SAMD4A: variants seen among roughly 807,000 people sequenced by gnomAD.
SAMD4A encodes the protein protein Smaug homolog 1.
Under a neutral mutation model 81.3 loss-of-function variants are expected in SAMD4A, and 33 were observed. The ratio of observed to expected loss-of-function variants is 0.41; its 90% confidence interval spans 0.31 to 0.54. The LOEUF (loss-of-function observed/expected upper bound fraction) is 0.54, where lower values mean the gene tolerates loss of function less well. Among genes scored for constraint, SAMD4A ranks in the 20% least tolerant of loss-of-function variants. The pLI, the probability that SAMD4A is intolerant of heterozygous loss-of-function variation, is 0.37. For missense variants in SAMD4A, 854 were observed against 951.1 expected, an observed-to-expected ratio of 0.90 and a Z score of 1.34; for synonymous variants, 389 against 382.1, an observed-to-expected ratio of 1.02 and a Z score of -0.21.
chr14:54,602,534 G>A (rs2034083260), intron 2 of SAMD4A, among the ~76,000 whole-genome samples: 1 of 152,232 alleles, frequency 6.6e-6, no homozygotes, highest in African/African-American at 2.4e-5. Context: ...TTGTGGGAAT[G>A]ACATGAGTAG....
chr14:54,756,468 C>T (rs2038241540), intron 6 of SAMD4A, among the ~76,000 whole-genome samples: 1 of 152,156 alleles, frequency 6.6e-6, no homozygotes, highest in Non-Finnish European at 1.5e-5. Context: ...AGCTCCCTGC[C>T]CTGATGCCCA....
At chr14:54,778,697 C>G (rs2038924495) in intron 11 of SAMD4A, among the ~76,000 whole-genome samples, 1 of 152,188 alleles carries the variant, frequency 6.6e-6, no homozygotes, top group African/African-American at 2.4e-5. Context: ...TTTTTAATAA[C>G]AGCCAAAGCA....
At chr14:54,628,658 T>G (rs1014136126) in intron 2 of SAMD4A, among the ~76,000 whole-genome samples, 1 of 152,192 alleles carries the variant, frequency 6.6e-6, no homozygotes, top group Non-Finnish European at 1.5e-5. Context: ...GGCATTGTAC[T>G]AAGTACTTGA....
chr14:54,633,110 G>A (rs2034943636), intron 2 of SAMD4A, among the ~76,000 whole-genome samples: 1 of 152,238 alleles, frequency 6.6e-6, no homozygotes, highest in Admixed American at 6.5e-5. Flanking sequence ...GCTGTCTGAA[G>A]AGGTTATACC....
At position 54,791,744 on chromosome 14, in the gene SAMD4A, C is replaced by G. The variant is rs1050879337; in HGVS notation, c.*2800C>G. ...TCCTGTGTTGACTACAGGTATATAG[C>G]TCAATTTAAAAATCCTAAAGCAAAA... On this transcript the variant is annotated 3_prime_UTR_variant, in exon 13 of 13. Coordinates refer to ENST00000554335, the MANE Select transcript of SAMD4A (RefSeq NM_015589.6). 6.6e-6 allele frequency: 1 copy of G among 151,920 alleles called. No individual in the cohort carries two copies. Among genetic ancestry groups the G allele is most frequent in the African/African-American group, 2.4e-5 (1 of 41,334 alleles). The allele number at this position is 151,920 out of a possible 1,614,324, so 9.4% of individuals were successfully genotyped here. A position where few individuals can be genotyped will look rare whatever the true frequency, so the allele number is the denominator to read the frequency against.
intron 2 of SAMD4A, among the ~76,000 whole-genome samples, chr14:54,656,750 C>T (rs1476904209): frequency 2.0e-5 from 3 of 152,126 alleles, no homozygotes; most frequent in African/African-American, 4.8e-5. Flanking sequence ...GCCTCAGCCT[C>T]CCAAGTAGCT....
At chr14:54,716,651 G>A (rs2037125752) in intron 3 of SAMD4A, among the ~76,000 whole-genome samples, 1 of 152,068 alleles carries the variant, frequency 6.6e-6, no homozygotes, top group African/African-American at 2.4e-5. Flanking sequence ...AGTTCCTGAG[G>A]GTCTCTAACA....
intron 10 of SAMD4A, among the ~76,000 whole-genome samples, chr14:54,775,392 T>C (rs1333848684): frequency 6.6e-6 from 1 of 152,238 alleles, no homozygotes; most frequent in African/African-American, 2.4e-5. Context: ...TAGAAAGAAA[T>C]GCAAGACCTA....
At chr14:54,758,914 T>A (rs761540587) in intron 6 of SAMD4A, among the ~76,000 whole-genome samples, 1 of 152,116 alleles carries the variant, frequency 6.6e-6, no homozygotes, top group Non-Finnish European at 1.5e-5. Context: ...GACCTTGATG[T>A]GCAGAAACAC....
chr14:54,599,618 G>C lies in SAMD4A; in HGVS notation c.196+31506G>C, dbSNP rs536587950. ...TTGTCTAGCTCTGTGATCTTGGACA[G>C]GTCAATTGACTTGTCTTAATCTTCT... On this transcript the variant is annotated intron_variant, in intron 2 of 12. Coordinates refer to ENST00000554335, the MANE Select transcript of SAMD4A (RefSeq NM_015589.6). 1.9e-3 allele frequency among the ~76,000 whole-genome samples: 287 copies of C among 152,286 alleles called. 1 individual carries two copies. Among genetic ancestry groups the C allele is most frequent in the Non-Finnish European group, 3.1e-3 (214 of 68,022 alleles).
intron 2 of SAMD4A, among the ~76,000 whole-genome samples, chr14:54,582,205 C>T (rs2033487422): frequency 6.6e-6 from 1 of 151,208 alleles, no homozygotes; most frequent in Non-Finnish European, 1.5e-5. Flanking sequence ...TAGTTCACAA[C>T]ATTTTAGATA....
At chr14:54,715,493 G>A (rs544555906) in intron 3 of SAMD4A, among the ~76,000 whole-genome samples, 52 of 152,122 alleles carry the variant, frequency 3.4e-4, no homozygotes, top group East Asian at 2.7e-3. Context: ...TACATACTAC[G>A]TGAAAAATCT....
intron 3 of SAMD4A, among the ~76,000 whole-genome samples, chr14:54,729,664 A>G (rs924271257): frequency 7.2e-5 from 11 of 152,250 alleles, no homozygotes; most frequent in South Asian, 6.2e-4. Context: ...ACAGGAAAGT[A>G]GAAGTTAACC....
At chr14:54,662,744 C>T (rs2035671610) in intron 2 of SAMD4A, among the ~76,000 whole-genome samples, 2 of 152,040 alleles carry the variant, frequency 1.3e-5, no homozygotes, top group Non-Finnish European at 2.9e-5. Flanking sequence ...GTCTTACATC[C>T]GTCACAAGGG....
chr14:54,774,500 T>A (rs2038785096), intron 9 of SAMD4A, among the ~76,000 whole-genome samples: 1 of 151,984 alleles, frequency 6.6e-6, no homozygotes. Flanking sequence ...GCTCAGGAGT[T>A]CCAGACCAGC....
At chr14:54,683,714 A>C (rs1471906255) in intron 2 of SAMD4A, among the ~76,000 whole-genome samples, 2 of 152,214 alleles carry the variant, frequency 1.3e-5, no homozygotes, top group African/African-American at 2.4e-5. Flanking sequence ...AAAGAAACCA[A>C]GTTTTTATTC....
At chr14:54,773,535 G>A (rs1194562257) in intron 9 of SAMD4A, among the ~76,000 whole-genome samples, 3 of 152,204 alleles carry the variant, frequency 2.0e-5, no homozygotes, top group South Asian at 2.1e-4. Flanking sequence ...GACCTGAGGC[G>A]TGTCAGAGAG....
chr14:54,691,429 A>G (rs1332930528), intron 2 of SAMD4A, among the ~76,000 whole-genome samples: 1 of 152,038 alleles, frequency 6.6e-6, no homozygotes, highest in Non-Finnish European at 1.5e-5. Context: ...GAAGGAGGGA[A>G]ATGGCCTCAG....
chr14:54,739,055 C>CTTTTTTTTTTTTTTTTTTTTTTTCTT (rs3051648), intron 4 of SAMD4A, among the ~76,000 whole-genome samples: 1 of 97,346 alleles, frequency 1.0e-5, no homozygotes, highest in African/African-American at 4.8e-5. Context: ...CTTTCCTTTT[C>CTTTTTTTTTTTTTTTTTTTTTTTCTT]TTTTTTTTTT....
Sources: gnomAD v4.1 joint callset for allele counts (sites outside exome capture counted in the v4.1 genomes callset) on GRCh38, gnomAD v4.1.1 for gene constraint, MANE v1.5 for transcripts, NCBI Gene and HGNC (gene_info 2026-07-23, HGNC 2026-07-21) for gene names.